Variants in CADM1 observed in about 807,000 individuals in gnomAD.
CADM1 encodes cell adhesion molecule 1.
A neutral mutation model predicts 53.1 loss-of-function variants in CADM1; 15 were observed. The observed-to-expected ratio is 0.28, with a 90% CI of 0.19 to 0.44. The LOEUF is 0.44. Among genes scored for constraint, CADM1 ranks in the 20% least tolerant of loss-of-function variants. The pLI, the probability that CADM1 is intolerant of heterozygous loss-of-function variation, is 1.00. For synonymous variants in CADM1, 281 were observed against 243.0 expected, an observed-to-expected ratio of 1.16 and a Z score of -1.45; for missense variants, 434 against 611.3, an observed-to-expected ratio of 0.71 and a Z score of 3.06.
intron 1 of CADM1, among the ~76,000 whole-genome samples, chr11:115,379,364 C>T (rs1393302814): frequency 1.2e-4 from 18 of 152,218 alleles, no homozygotes; most frequent in Admixed American, 1.2e-3. Context: ...AAACTTACTA[C>T]TCTTCCCTAT....
intron 1 of CADM1, among the ~76,000 whole-genome samples, chr11:115,488,498 A>T (rs1390653875): frequency 6.6e-6 from 1 of 152,238 alleles, no homozygotes; most frequent in African/African-American, 2.4e-5. Context: ...CAGATACATC[A>T]GTGTTACAAA....
chr11:115,279,146 C>A (rs1256589175), intron 1 of CADM1, among the ~76,000 whole-genome samples: 1 of 152,170 alleles, frequency 6.6e-6, no homozygotes, highest in African/African-American at 2.4e-5. Flanking sequence ...CCTCTCCAAT[C>A]CCACATTCCA....
intron 1 of CADM1, among the ~76,000 whole-genome samples, chr11:115,457,928 A>G (rs1338697881): frequency 2.6e-5 from 4 of 152,178 alleles, no homozygotes; most frequent in African/African-American, 7.2e-5. Context: ...GTGAGTAAAC[A>G]TAAAATGAGG....
chr11:115,192,505 T>A (rs1260023368), intron 9 of CADM1, among the ~76,000 whole-genome samples: 2 of 152,230 alleles, frequency 1.3e-5, no homozygotes, highest in African/African-American at 4.8e-5. Context: ...GTATAAAGAC[T>A]GATGAATACA....
intron 1 of CADM1, among the ~76,000 whole-genome samples, chr11:115,310,044 G>C (rs1944489242): frequency 6.6e-6 from 1 of 151,994 alleles, no homozygotes; most frequent in Admixed American, 6.6e-5. Context: ...TACTATTCAA[G>C]ACTTGTTAAG....
At position 115,234,010 on chromosome 11, in the gene CADM1, T is replaced by C. The variant is rs188849742; in HGVS notation, c.425-2520A>G. 2.6e-5 allele frequency among the ~76,000 whole-genome samples: 4 copies of C among 152,362 alleles called. No homozygotes were observed. In the East Asian group the frequency reaches 7.7e-4, roughly 29 times the overall value. On this transcript the variant is annotated intron_variant, in intron 3 of 11. Transcript: ENST00000331581. ...TGTGGAAACACGGGAATCTTCTTGA[T>C]GCGACAGTCCAGCAGTTGTTAAAAG...
At chr11:115,284,558 A>C (rs1054905936) in intron 1 of CADM1, among the ~76,000 whole-genome samples, 1 of 151,960 alleles carries the variant, frequency 6.6e-6, no homozygotes, top group African/African-American at 2.4e-5. Context: ...GATAGTTTTC[A>C]AAAAGGAATA....
At chr11:115,354,928 A>G (rs962203275) in intron 1 of CADM1, among the ~76,000 whole-genome samples, 15 of 152,166 alleles carry the variant, frequency 9.9e-5, no homozygotes, top group African/African-American at 3.4e-4. Context: ...GAATTTCCCT[A>G]AACATCTCTA....
intron 1 of CADM1, among the ~76,000 whole-genome samples, chr11:115,485,107 T>A (rs969340948): frequency 6.6e-6 from 1 of 152,188 alleles, no homozygotes; most frequent in Admixed American, 6.5e-5. Flanking sequence ...TCACCTTCGA[T>A]GATTCTTCTG....
chr11:115,211,710 C>G lies in CADM1; in HGVS notation c.995-2053G>C, dbSNP rs112467897. Among the ~76,000 whole-genome samples, 61 of 150,698 alleles carry G rather than the reference C, an allele frequency of 4.0e-4. 1 individual carries two copies. The highest frequency in any genetic ancestry group is 3.4e-3 in the Middle Eastern group (1 of 294). ...TTCACCATATTGGCCAGGCTGGTCT[C>G]AAACTCCTGACCTTGTGATCCACCC... On this transcript the variant is annotated intron_variant, in intron 7 of 11. Coordinates refer to ENST00000331581, the MANE Select transcript of CADM1 (RefSeq NM_001301043.2).
chr11:115,235,246 G>A (rs1288888842), intron 3 of CADM1, among the ~76,000 whole-genome samples: 1 of 150,894 alleles, frequency 6.6e-6, no homozygotes, highest in African/African-American at 2.4e-5. Flanking sequence ...GAAAAAAAAA[G>A]GGTTGGACAA....
chr11:115,409,281 A>C (rs1356179313), intron 1 of CADM1, among the ~76,000 whole-genome samples: 2 of 152,228 alleles, frequency 1.3e-5, no homozygotes, highest in African/African-American at 4.8e-5. Flanking sequence ...TCTCTACATA[A>C]CACACAAAGA....
At chr11:115,223,973 A>AGAGAGAGAG (rs1555043882) in intron 5 of CADM1, among the ~76,000 whole-genome samples, 6,896 of 92,406 alleles carry the variant, frequency 0.075, 613 homozygotes, top group East Asian at 0.22. Context: ...AAAAAAAAAA[A>AGAGAGAGAG]AGAGAGAGAG....
At chr11:115,400,657 GTGTGTATATATATATATA>G (rs1225313235) in intron 1 of CADM1, among the ~76,000 whole-genome samples, 167 of 82,274 alleles carry the variant, frequency 2.0e-3, no homozygotes, top group African/African-American at 0.01. Context: ...GTGTGTGTGT[GTGTGTATATATATATATA>G]TATATATATA....
At chr11:115,408,356 C>T (rs1219046665) in intron 1 of CADM1, among the ~76,000 whole-genome samples, 1 of 152,168 alleles carries the variant, frequency 6.6e-6, no homozygotes, top group Non-Finnish European at 1.5e-5. Context: ...TATACTACAG[C>T]TAGTTGGCTG....
chr11:115,401,363 C>T (rs1196353761), intron 1 of CADM1, among the ~76,000 whole-genome samples: 1 of 151,786 alleles, frequency 6.6e-6, no homozygotes, highest in Non-Finnish European at 1.5e-5. Context: ...AATCCCAGCA[C>T]TTTGGGAGGC....
chr11:115,504,181 T>A (rs866559451), intron 1 of CADM1, 90 bp downstream of exon 1: 1 of 1,524,300 alleles, frequency 6.6e-7, no homozygotes, highest in African/African-American at 1.4e-5. Flanking sequence ...TGGGGGGAGG[T>A]TGTCATGGAA....
chr11:115,328,504 A>C (rs1462596878), intron 1 of CADM1, among the ~76,000 whole-genome samples: 2 of 151,202 alleles, frequency 1.3e-5, no homozygotes, highest in Non-Finnish European at 2.9e-5. Flanking sequence ...GCACCATGAC[A>C]GGTGAATCAC....
intron 1 of CADM1, among the ~76,000 whole-genome samples, chr11:115,472,346 C>T (rs1186938041): frequency 6.6e-6 from 1 of 152,160 alleles, no homozygotes; most frequent in Admixed American, 6.5e-5. Context: ...AAAGTTGGAT[C>T]TGTGACAGTA....
Sources: allele counts gnomAD v4.1 joint callset (sites outside exome capture counted in the v4.1 genomes callset), GRCh38; gene constraint gnomAD v4.1.1; transcripts MANE v1.5; gene names NCBI Gene and HGNC (gene_info 2026-07-23, HGNC 2026-07-21).